AGTR1: variants seen among roughly 807,000 people sequenced by gnomAD.
The protein encoded by AGTR1 is angiotensin II receptor type 1.
Under a neutral mutation model 19.4 loss-of-function variants are expected in AGTR1, and 16 were observed. The observed-to-expected ratio is 0.82, with a 90% CI of 0.56 to 1.25. AGTR1 has a LOEUF of 1.25. Ranked by LOEUF, AGTR1 falls within the 50% of genes most tolerant of loss-of-function variation. The probability of loss-of-function intolerance (pLI) is 0.00; values close to 1 mark genes in which losing one functional copy is unlikely to be tolerated. For missense variants in AGTR1, 373 were observed against 431.9 expected (o/e 0.86, Z 1.21); for synonymous variants, 153 against 154.9 (o/e 0.99, Z 0.09).
chr3:148,741,823 A>G lies in AGTR1; in HGVS notation c.788A>G (p.Asp263Gly), dbSNP rs763035960. The G allele has an allele frequency of 1.1e-5, 17 of 1,613,436 alleles. No individual in the cohort carries two copies. The Admixed American group carries it at 1.2e-4, about 11-fold the overall frequency. ...WIPHQIFTFL[D>G]VLIQLGIIRD... is the part of the protein sequence containing the mutation. ...CCCCACCAAATATTCACTTTTCTGG[A>G]TGTATTGATTCAACTAGGCATCATA... is the stretch of plus-strand genomic sequence containing the variant. The change falls in exon 3 of 3, where the codon GAT (aspartate) becomes GGT (glycine). Residue 263 changes from aspartate to glycine, a missense_variant. Coordinates refer to ENST00000349243, the MANE Select transcript of AGTR1 (RefSeq NM_000685.5).
intron 2 of AGTR1, among the ~76,000 whole-genome samples, chr3:148,714,470 C>T (rs1021253854): frequency 2.6e-5 from 4 of 151,816 alleles, no homozygotes; most frequent in African/African-American, 4.8e-5. Flanking sequence ...CAAGGCACAG[C>T]GAGTATGCCA....
intron 2 of AGTR1, among the ~76,000 whole-genome samples, chr3:148,733,338 G>A (rs1039193924): frequency 6.6e-6 from 1 of 152,164 alleles, no homozygotes; most frequent in Non-Finnish European, 1.5e-5. Flanking sequence ...GAATTGCCAT[G>A]TGGCCAATAA....
intron 2 of AGTR1, among the ~76,000 whole-genome samples, chr3:148,736,569 A>G (rs1381076788): frequency 3.3e-5 from 5 of 152,242 alleles, no homozygotes; most frequent in African/African-American, 1.2e-4. Flanking sequence ...GTGCTTTAAC[A>G]TTATCTCACT....
At chr3:148,718,661 T>C (rs762840498) in intron 2 of AGTR1, among the ~76,000 whole-genome samples, 35 of 152,224 alleles carry the variant, frequency 2.3e-4, no homozygotes, top group Non-Finnish European at 4.8e-4. Context: ...TGAAAGGACA[T>C]TAGTTTTTAA....
At chr3:148,727,683 C>T (rs1714033031) in intron 2 of AGTR1, among the ~76,000 whole-genome samples, 1 of 152,168 alleles carries the variant, frequency 6.6e-6, no homozygotes, top group South Asian at 2.1e-4. Flanking sequence ...TTGAGAGCTC[C>T]TACTAAGCAC....
chr3:148,711,612 A>C (rs986290062), intron 2 of AGTR1, among the ~76,000 whole-genome samples: 5 of 152,218 alleles, frequency 3.3e-5, no homozygotes, highest in Non-Finnish European at 7.3e-5. Flanking sequence ...GTGTACTCCA[A>C]ATAACCTACT....
intron 2 of AGTR1, among the ~76,000 whole-genome samples, chr3:148,723,506 T>A (rs1051982320): frequency 6.6e-6 from 1 of 152,174 alleles, no homozygotes; most frequent in Non-Finnish European, 1.5e-5. Context: ...AATACCCAAA[T>A]CATGGATTCT....
chr3:148,699,106 C>T (rs1463392811), intron 1 of AGTR1, among the ~76,000 whole-genome samples: 1 of 152,128 alleles, frequency 6.6e-6, no homozygotes, highest in African/African-American at 2.4e-5. Flanking sequence ...CAGGAGCCCT[C>T]TTTTAATGAA....
At chr3:148,728,397 AAG>A (rs768915220) in intron 2 of AGTR1, among the ~76,000 whole-genome samples, 1 of 152,214 alleles carries the variant, frequency 6.6e-6, no homozygotes, top group Non-Finnish European at 1.5e-5. Context: ...CAGAAACAAA[AAG>A]AAGTATAAAA....
At chr3:148,729,063 C>A (rs1714108651) in intron 2 of AGTR1, among the ~76,000 whole-genome samples, 1 of 152,192 alleles carries the variant, frequency 6.6e-6, no homozygotes, top group African/African-American at 2.4e-5. Context: ...GTTTTAATAT[C>A]TCCTGAAGAA....
intron 2 of AGTR1, among the ~76,000 whole-genome samples, chr3:148,717,060 G>T (rs1438130021): frequency 1.3e-5 from 2 of 152,138 alleles, no homozygotes; most frequent in Non-Finnish European, 2.9e-5. Context: ...AAACTTTGGG[G>T]AAACTGTTGG....
At chr3:148,706,119 ATTAC>A (rs1712654458) in intron 1 of AGTR1, among the ~76,000 whole-genome samples, 1 of 151,602 alleles carries the variant, frequency 6.6e-6, no homozygotes, top group African/African-American at 2.4e-5. Context: ...TGGAATTTCT[ATTAC>A]TTTATTTATA....
intron 1 of AGTR1, among the ~76,000 whole-genome samples, chr3:148,701,741 A>G (rs1331806158): frequency 5.3e-5 from 8 of 152,154 alleles, no homozygotes; most frequent in Admixed American, 5.2e-4. Context: ...TATTATTACA[A>G]TGTGCCTTCC....
intron 2 of AGTR1, among the ~76,000 whole-genome samples, chr3:148,737,269 A>G (rs566783272): frequency 3.9e-5 from 6 of 152,020 alleles, no homozygotes; most frequent in Non-Finnish European, 8.8e-5. Flanking sequence ...GCTGTTTCCC[A>G]TAGATGATGC....
intron 2 of AGTR1, among the ~76,000 whole-genome samples, chr3:148,724,685 G>GT (rs1173667035): frequency 6.6e-6 from 1 of 152,086 alleles, no homozygotes; most frequent in African/African-American, 2.4e-5. Context: ...TCAAAAGTCC[G>GT]TAAGTTGCAG....
At position 148,742,131 on chromosome 3, in the gene AGTR1, T is replaced by A; in HGVS notation, c.*16T>A. The A allele has an allele frequency of 6.2e-7, 1 of 1,613,772 alleles. No homozygotes were observed. The highest frequency in any genetic ancestry group is 1.3e-5 in the African/African-American group (1 of 74,976). On this transcript the variant is annotated 3_prime_UTR_variant, in exon 3 of 3. Coordinates refer to ENST00000349243, the MANE Select transcript of AGTR1 (RefSeq NM_000685.5). Reference sequence around the variant, plus strand: ...GGTTGAGTGACATGTTCGAAACCTGTCCATAAAGTAATTTTGTGAAAGAAG... The same window carrying A: ...GGTTGAGTGACATGTTCGAAACCTGACCATAAAGTAATTTTGTGAAAGAAG...
chr3:148,742,057 C>A lies in AGTR1; in HGVS notation c.1022C>A (p.Pro341His), dbSNP rs17852012. 1 of 1,614,002 alleles carries A rather than the reference C, an allele frequency of 6.2e-7. No homozygotes were observed. The highest frequency in any genetic ancestry group is 8.5e-7 in the Non-Finnish European group (1 of 1,179,996). The change falls in exon 3 of 3, where the codon CCC becomes CAC. Residue 341 changes from proline to histidine, a missense_variant. By Grantham distance (77) the Pro-to-His change is moderately conservative. Transcript: ENST00000349243. ...AAAATGAGCACGCTTTCCTACCGCC[C>A]CTCAGATAATGTAAGCTCATCCACC... ...STKMSTLSYR[P>H]SDNVSSSTKK...
At chr3:148,698,714 C>T (rs1476738825) in intron 1 of AGTR1, among the ~76,000 whole-genome samples, 1 of 152,172 alleles carries the variant, frequency 6.6e-6, no homozygotes, top group Non-Finnish European at 1.5e-5. Flanking sequence ...CCCAGATGTC[C>T]TTTGAATAAT....
At chr3:148,730,964 G>T (rs1714221336) in intron 2 of AGTR1, among the ~76,000 whole-genome samples, 1 of 152,180 alleles carries the variant, frequency 6.6e-6, no homozygotes, top group Non-Finnish European at 1.5e-5. Flanking sequence ...TAACTGAGGT[G>T]TCCTGGAAGC....
Sources: allele counts gnomAD v4.1 joint callset (sites outside exome capture counted in the v4.1 genomes callset), GRCh38; gene constraint gnomAD v4.1.1; transcripts MANE v1.5; gene names NCBI Gene and HGNC (gene_info 2026-07-23, HGNC 2026-07-21).